The following AKR7A3 variants were observed in gnomAD, a reference collection of about 807,000 sequenced individuals.
The protein encoded by AKR7A3 is AFB1 aldehyde reductase 2.
AKR7A3 carries 37 observed loss-of-function variants against 32.5 expected under a neutral mutation model. That is an observed-to-expected ratio of 1.14 (90% confidence interval 0.88 to 1.50). The LOEUF (loss-of-function observed/expected upper bound fraction) is 1.50, where lower values mean the gene tolerates loss of function less well. Ranked by LOEUF, AKR7A3 falls within the 40% of genes most tolerant of loss-of-function variation. AKR7A3 has a pLI of 0.00. For synonymous variants in AKR7A3, 177 were observed against 188.4 expected (o/e 0.94, Z 0.50); for missense variants, 412 against 453.2 (o/e 0.91, Z 0.83).
chr1:19,284,728 C>G lies in AKR7A3; in HGVS notation c.662G>C (p.Gly221Ala). 1 of 1,613,866 alleles carries G rather than the reference C, an allele frequency of 6.2e-7. No homozygotes were observed. Among genetic ancestry groups the G allele is most frequent in the African/African-American group, 1.3e-5 (1 of 74,752 alleles). ...TGCCCAGGTATTCCCAAAGAAGCGG[C>G]CCACGGGCTGTTTCCCATTCTTGTC... ...YEDKNGKQPV[G>A]RFFGNTWAEM... Residue 221 changes from glycine (G) to alanine (A), a missense_variant, in exon 5 of 7, where the codon GGC becomes GCC. Gly to Ala is a moderately conservative substitution (Grantham distance 60). Coordinates refer to ENST00000361640, the MANE Select transcript of AKR7A3 (RefSeq NM_012067.3).
the AKR7A3 span, chr1:19,274,258 C>T: frequency 2.4e-6 from 3 of 1,247,300 alleles, no homozygotes; most frequent in African/African-American, 3.2e-5. Flanking sequence ...CTCTCAACCA[C>T]GAGGACCGTC....
At chr1:19,283,268 C>T (rs1198339119) in intron 6 of AKR7A3, among the ~76,000 whole-genome samples, 1 of 151,034 alleles carries the variant, frequency 6.6e-6, no homozygotes, top group Middle Eastern at 3.2e-3. Flanking sequence ...ATATGCCAGA[C>T]ACTATTGCAA....
At chr1:19,288,395 C>T in intron 1 of AKR7A3, 101 bp downstream of exon 1, 1 of 1,431,572 alleles carries the variant, frequency 7.0e-7, no homozygotes, top group Non-Finnish European at 9.3e-7. Flanking sequence ...GGGGACAAAA[C>T]TTTGGGTGCT....
chr1:19,282,966 T>A, intron 6 of AKR7A3, 74 bp from the exon 7 acceptor site: 1 of 1,580,562 alleles, frequency 6.3e-7, no homozygotes, highest in East Asian at 2.2e-5. Context: ...CCCAGCCACC[T>A]CCCTGCTGAG....
chr1:19,278,005 G>A (rs1338378746), downstream of AKR7A3, among the ~76,000 whole-genome samples: 9 of 151,846 alleles, frequency 5.9e-5, 1 homozygote, highest in Admixed American at 2.0e-4. Flanking sequence ...CTTTTGCCAC[G>A]TGTGCTTTTG....
chr1:19,277,624 C>A (rs571156185), downstream of AKR7A3, among the ~76,000 whole-genome samples: 13 of 151,828 alleles, frequency 8.6e-5, no homozygotes, highest in African/African-American at 3.2e-4. Context: ...CAGGTTCAAG[C>A]AATTCTCGTG....
chr1:19,285,875 C>G lies in AKR7A3; in HGVS notation c.507+13G>C, dbSNP rs769889219. 2 of 1,613,588 alleles carry G rather than the reference C, an allele frequency of 1.2e-6. No homozygotes were observed. The highest frequency in any genetic ancestry group is 4.5e-5 in the East Asian group (2 of 44,890). On this transcript the variant is annotated intron_variant, in intron 3 of 6. Transcript: ENST00000361640. Reference sequence around the variant, plus strand: ...GTTCTGGAGACCTTGGCCTCTGCAGCCCTGGCTCTCACCTGGTACACAGTG... The same window carrying G: ...GTTCTGGAGACCTTGGCCTCTGCAGGCCTGGCTCTCACCTGGTACACAGTG...
At chr1:19,277,040 G>A in the AKR7A3 span, among the ~76,000 whole-genome samples, 1 of 151,850 alleles carries the variant, frequency 6.6e-6, no homozygotes, top group Non-Finnish European at 1.5e-5. Flanking sequence ...CTTGACCCCA[G>A]CAGGTGGAGG....
Position 19,288,562 on chromosome 1 carries a change from T to C in AKR7A3, c.148A>G (p.Ser50Gly). The C allele has an allele frequency of 1.2e-6, 2 of 1,610,000 alleles. No homozygotes were observed. The highest frequency in any genetic ancestry group is 1.7e-6 in the Non-Finnish European group (2 of 1,179,078). Residue 50 changes from serine (S) to glycine (G), a missense_variant, in exon 1 of 7, where the codon AGC (serine) becomes GGC (glycine). Coordinates refer to ENST00000361640, the MANE Select transcript of AKR7A3 (RefSeq NM_012067.3). ...AGGATGGTCTCGGACTGGCCCTCGC[T>C]GTACACGAAGGCCGTGTCTATCTCG... ...HTEIDTAFVY[S>G]EGQSETILGG...
chr1:19,280,767 T>G (rs1326193161), downstream of AKR7A3, among the ~76,000 whole-genome samples: 1 of 151,552 alleles, frequency 6.6e-6, no homozygotes, highest in East Asian at 2.0e-4. Context: ...AGACGGGGTT[T>G]CACTGTGTTA....
At chr1:19,280,233 C>G (rs921884967), downstream of AKR7A3, among the ~76,000 whole-genome samples, 15 of 151,734 alleles carry the variant, frequency 9.9e-5, no homozygotes, top group Non-Finnish European at 1.6e-4. Flanking sequence ...CAAGACTTAT[C>G]TCTATATTTT....
rs112781153 is a variant in AKR7A3, at chr1:19,285,817, C to G, written c.507+71G>C. 10,245 of 1,591,816 alleles carry G rather than the reference C, an allele frequency of 6.4e-3. 490 individuals are homozygous for G. In the African/African-American group the frequency reaches 0.085, roughly 13 times the overall value. On this transcript the variant is annotated intron_variant, in intron 3 of 6. Transcript: ENST00000361640. The stretch of plus-strand genomic sequence containing the variant: ...CTATGCAGAGGGCACAGGGGGCAGT[C>G]AGAGGGGCAAAGACAGCCCAGGATG...
chr1:19,274,979 C>T, the AKR7A3 span, among the ~76,000 whole-genome samples: 1 of 140,510 alleles, frequency 7.1e-6, no homozygotes, highest in Admixed American at 7.2e-5. Context: ...CCAACCATAT[C>T]AATAATTACA....
rs1455942645 is a variant in AKR7A3, at chr1:19,282,578, G to GA, written c.*152_*153insT. On this transcript the variant is annotated 3_prime_UTR_variant, in exon 7 of 7. Transcript: ENST00000361640. ...CAGACTAACACACAGCACCCTGGGA[G>GA]TTTTATTCTTCATTTGGTGGTGACT... 20 of 1,302,228 alleles carry GA rather than the reference G, an allele frequency of 1.5e-5. No individual in the cohort carries two copies. The highest frequency in any genetic ancestry group is 5.0e-5 in the East Asian group (2 of 39,812). The allele number at this position is 1,302,228 out of a possible 1,614,324, so 80.7% of individuals were successfully genotyped here. A position where few individuals can be genotyped will look rare whatever the true frequency, so the allele number is the denominator to read the frequency against.
intron 1 of AKR7A3, 113 bp downstream of exon 1, chr1:19,288,383 G>A: frequency 7.5e-7 from 1 of 1,334,980 alleles, no homozygotes; most frequent in Non-Finnish European, 1.0e-6. Flanking sequence ...GGGGGCGGTG[G>A]GGGGGACAAA....
At chr1:19,284,267 C>T in intron 5 of AKR7A3, 142 bp from the exon 6 acceptor site, 1 of 1,243,540 alleles carries the variant, frequency 8.0e-7, no homozygotes, top group Non-Finnish European at 1.1e-6. Flanking sequence ...TCCCACTTTG[C>T]TGGGCAAGAG....
downstream of AKR7A3, among the ~76,000 whole-genome samples, chr1:19,282,274 A>G (rs1335868612): frequency 6.6e-6 from 1 of 151,664 alleles, no homozygotes; most frequent in Non-Finnish European, 1.5e-5. Flanking sequence ...TGCCATCTGT[A>G]TAGTAATGAG....
Position 19,284,111 on chromosome 1 carries a change from T to C in AKR7A3, c.719A>G (p.His240Arg). ...CACCAGGGCAATGCCCTCAAAGTGGTGCTCCTTCCAGTAGCTGGGAAGGGG... is the reference window on the plus strand; with the variant it reads ...CACCAGGGCAATGCCCTCAAAGTGGCGCTCCTTCCAGTAGCTGGGAAGGGG... ...EMYRNRYWKE[H>R]HFEGIALVEK... is the part of the protein sequence containing the mutation. Residue 240 changes from histidine (H) to arginine (R), a missense_variant, in exon 6 of 7, where the codon CAC becomes CGC. Transcript: ENST00000361640. 6.2e-7 allele frequency: 1 copy of C among 1,612,072 alleles called. No individual in the cohort carries two copies. The highest frequency in any genetic ancestry group is 8.5e-7 in the Non-Finnish European group (1 of 1,179,032).
chr1:19,288,493 T>C lies in AKR7A3; in HGVS notation c.214+3A>G. On this transcript the variant is annotated splice_donor_region_variant and intron_variant, in intron 1 of 6. Transcript: ENST00000361640. ...CAGGGGGAGGATCAGGGGCCACTGTTACCTCTGCAGTCGCTGCCGCCCAGC... is the reference window on the plus strand; with the variant it reads ...CAGGGGGAGGATCAGGGGCCACTGTCACCTCTGCAGTCGCTGCCGCCCAGC... 6.2e-7 allele frequency: 1 copy of C among 1,610,318 alleles called. No homozygotes were observed. The highest frequency in any genetic ancestry group is 8.5e-7 in the Non-Finnish European group (1 of 1,179,296).
Sources: gnomAD v4.1 joint callset for allele counts (sites outside exome capture counted in the v4.1 genomes callset) on GRCh38, gnomAD v4.1.1 for gene constraint, MANE v1.5 for transcripts, NCBI Gene and HGNC (gene_info 2026-07-23, HGNC 2026-07-21) for gene names.